CACNA1I: variants seen among roughly 807,000 people sequenced by gnomAD.
CACNA1I encodes voltage-dependent T-type calcium channel subunit alpha-1I.
In CACNA1I, 74 loss-of-function variants were observed where a neutral mutation model predicts 201.6. That is an observed-to-expected ratio of 0.37 (90% CI 0.30 to 0.45). The LOEUF (loss-of-function observed/expected upper bound fraction) is 0.45. Ranked by LOEUF, CACNA1I falls within the 20% of genes least tolerant of loss-of-function variation. The pLI is 1.00. For missense variants in CACNA1I, 2,346 were observed against 3,138.1 expected (o/e 0.75, Z 6.03); for synonymous variants, 1,431 against 1,345.2 (o/e 1.06, Z -1.40).
rs922068388 is a variant in CACNA1I, at chr22:39,649,156, T to C, written c.1568-345T>C. Reference sequence around the variant, plus strand: ...AGTTCCCAAGCTGCACGACTGGGGCTCTGGGTCTGTTCCATGCTGACCCAG... The same window carrying C: ...AGTTCCCAAGCTGCACGACTGGGGCCCTGGGTCTGTTCCATGCTGACCCAG... On this transcript the variant is annotated intron_variant, in intron 9 of 36. Coordinates refer to ENST00000402142, the MANE Select transcript of CACNA1I (RefSeq NM_021096.4). This position sits in a 1 kb window ranked among gnomAD's most constrained non-coding sequence, Gnocchi z 7.3. Among the ~76,000 whole-genome samples the C allele has an allele frequency of 1.3e-5, 2 of 152,200 alleles. No individual in the cohort carries two copies. The highest frequency in any genetic ancestry group is 4.8e-5 in the African/African-American group (2 of 41,430).
Position 39,686,813 on chromosome 22 carries a change from A to T in CACNA1I, c.*408A>T, listed in dbSNP as rs1478795278. 1 of 151,746 alleles carries T rather than the reference A, an allele frequency of 6.6e-6. No individual in the cohort carries two copies. The highest frequency in any genetic ancestry group is 6.6e-5 in the Admixed American group (1 of 15,242). The allele number at this position is 151,746 out of a possible 1,614,324, so 9.4% of individuals were successfully genotyped here. On this transcript the variant is annotated 3_prime_UTR_variant, in exon 37 of 37. Coordinates refer to ENST00000402142, the MANE Select transcript of CACNA1I (RefSeq NM_021096.4). ...ATTCTGGCCAGACCCACCCCAGGGCACATGTCCTGCGGGGGCGTCCCAGCT... is the reference window on the plus strand; with the variant it reads ...ATTCTGGCCAGACCCACCCCAGGGCTCATGTCCTGCGGGGGCGTCCCAGCT...
chr22:39,575,037 G>A (rs551236203), intron 1 of CACNA1I, among the ~76,000 whole-genome samples: 2 of 152,394 alleles, frequency 1.3e-5, no homozygotes, highest in Admixed American at 1.3e-4. Context: ...GAGCCTGCAA[G>A]GTGGGGTGGG....
chr22:39,630,136 C>A (rs5750861), intron 4 of CACNA1I, among the ~76,000 whole-genome samples: 60,043 of 151,794 alleles, frequency 0.4, 12,835 homozygotes, highest in East Asian at 0.9. Flanking sequence ...CAGCGACAGC[C>A]CCTCAGCTGA....
intron 4 of CACNA1I, among the ~76,000 whole-genome samples, chr22:39,631,245 C>T (rs1355904039): frequency 6.6e-6 from 1 of 152,168 alleles, no homozygotes; most frequent in African/African-American, 2.4e-5. Flanking sequence ...GGGACCAGAT[C>T]TCATGTCCTG....
chr22:39,663,983 T>C, intron 19 of CACNA1I, 108 bp from the exon 20 acceptor site: 1 of 1,503,512 alleles, frequency 6.7e-7, no homozygotes, highest in South Asian at 1.1e-5. Context: ...CTCCGTGAAC[T>C]GAGAGGTGGC....
intron 1 of CACNA1I, among the ~76,000 whole-genome samples, chr22:39,594,682 G>T (rs982798677): frequency 2.6e-5 from 4 of 152,172 alleles, no homozygotes; most frequent in African/African-American, 9.6e-5. Flanking sequence ...TCTCTGGGTG[G>T]GGTCCTGCTG....
At position 39,588,128 on chromosome 22, in the gene CACNA1I, A is replaced by ATTTTT. The variant is rs35332612; in HGVS notation, c.237-10005_237-10001dup. ...TTTTTCCTTAAAGCAGTTGCTCTTC[A>ATTTTT]TTTTTTTTTTTTTTTTTTTTTTGAG... On this transcript the variant is annotated intron_variant, in intron 1 of 36. Coordinates refer to ENST00000402142, the MANE Select transcript of CACNA1I (RefSeq NM_021096.4). Among the ~76,000 whole-genome samples the ATTTTT allele has an allele frequency of 2.8e-3, 258 of 90,572 alleles. 3 individuals carry two copies. Among genetic ancestry groups the ATTTTT allele is most frequent in the Non-Finnish European group, 4.3e-3 (207 of 47,834 alleles). The allele number at this position is 90,572 out of a possible 152,430, so 59.4% of individuals were successfully genotyped here. A position where few individuals can be genotyped will look rare whatever the true frequency, so the allele number is the denominator to read the frequency against.
At chr22:39,675,465 T>C (rs997997402) in intron 29 of CACNA1I, among the ~76,000 whole-genome samples, 2 of 152,000 alleles carry the variant, frequency 1.3e-5, no homozygotes, top group Non-Finnish European at 2.9e-5. Flanking sequence ...CACATGGAGA[T>C]GTTCAGGACA....
In CACNA1I at chr22:39,686,339, G is replaced by A. The variant is rs560554316; in HGVS notation, c.6606G>A (p.Ala2202=). 76 of 1,302,992 alleles carry A rather than the reference G, an allele frequency of 5.8e-5. No homozygotes were observed. In the African/African-American group the frequency reaches 1.1e-3, roughly 19 times the overall value. 80.7% of individuals were successfully genotyped at this position (1,302,992 alleles called of 1,614,324 possible). Residue 2202 remains alanine (A), a synonymous_variant, in exon 37 of 37, where the codon GCG becomes GCA. Coordinates refer to ENST00000402142, the MANE Select transcript of CACNA1I (RefSeq NM_021096.4). ...TGCCCATGGGCCTGGGCCCCTTGGC[G>A]CCCCCGCCGCAACCGCTCCCCGGAG... ...APLPMGLGPL[A]PPPQPLPGEL...
At chr22:39,582,123 G>T (rs1473625445) in intron 1 of CACNA1I, among the ~76,000 whole-genome samples, 6 of 152,160 alleles carry the variant, frequency 3.9e-5, no homozygotes, top group Admixed American at 1.3e-4. Context: ...GTGGAGCAGT[G>T]GGGGAGGCTC....
At position 39,682,620 on chromosome 22, in the gene CACNA1I, T is replaced by G. The variant is rs1336879789; in HGVS notation, c.5789T>G (p.Phe1930Cys). 1 of 1,613,400 alleles carries G rather than the reference T, an allele frequency of 6.2e-7. No homozygotes were observed. Among genetic ancestry groups the G allele is most frequent in the Non-Finnish European group, 8.5e-7 (1 of 1,179,850 alleles). ...CTGTGTGAGATGGAGGAGATCCCAT[T>G]CAACCCTGTCCGGTCCTGGCTGAAA... ...NFLCEMEEIP[F>C]NPVRSWLKHD... The change falls in exon 35 of 37, where the codon TTC (phenylalanine) becomes TGC (cysteine). Residue 1930 changes from phenylalanine (F) to cysteine (C), a missense_variant. By Grantham distance (205) the Phe-to-Cys change is radical. Around this residue, in one of 13 missense-constraint regions of CACNA1I, gnomAD observed 441 missense variants for 555.6 expected, o/e 0.79. Coordinates refer to ENST00000402142, the MANE Select transcript of CACNA1I (RefSeq NM_021096.4).
In CACNA1I at chr22:39,680,859, C is replaced by T. The variant is rs1473626414; in HGVS notation, c.5542-71C>T. 5 of 1,520,642 alleles carry T rather than the reference C, an allele frequency of 3.3e-6. No individual in the cohort carries two copies. The Admixed American group carries it at 5.7e-5, about 17-fold the overall frequency. 94.2% of individuals were successfully genotyped at this position (1,520,642 alleles called of 1,614,324 possible). ...TCTCTTCAGAGCCTCAGGCCTGTGG[C>T]TGCACGCCCCAGGACCCAGGTCTGC... On this transcript the variant is annotated intron_variant, in intron 33 of 36. Transcript: ENST00000402142.
intron 3 of CACNA1I, among the ~76,000 whole-genome samples, chr22:39,606,617 C>G (rs893217883): frequency 6.6e-6 from 1 of 152,216 alleles, no homozygotes; most frequent in Non-Finnish European, 1.5e-5. Context: ...ACTACAACCT[C>G]AGCTTCCTAG....
chr22:39,670,365 T>C, intron 25 of CACNA1I, 135 bp downstream of exon 25: 1 of 859,288 alleles, frequency 1.2e-6, no homozygotes, highest in Non-Finnish European at 1.8e-6. Flanking sequence ...CTCAGCCACT[T>C]CTCCCAGCAT....
chr22:39,637,783 G>GT (rs1347634210), intron 5 of CACNA1I, among the ~76,000 whole-genome samples: 2 of 152,164 alleles, frequency 1.3e-5, no homozygotes, highest in Non-Finnish European at 2.9e-5. Context: ...TTTTAGCATT[G>GT]TTTTTTGTGT....
At chr22:39,604,981 T>A (rs1165887561) in intron 3 of CACNA1I, among the ~76,000 whole-genome samples, 1 of 151,836 alleles carries the variant, frequency 6.6e-6, no homozygotes, top group Non-Finnish European at 1.5e-5. Flanking sequence ...TTCCCATCCT[T>A]TGTGCCCAGG....
chr22:39,662,546 G>A, intron 17 of CACNA1I, 111 bp downstream of exon 17: 2 of 850,204 alleles, frequency 2.4e-6, no homozygotes. Context: ...GCGTGGCCGG[G>A]GCGTGGCCGG....
chr22:39,635,534 G>C (rs1934191276), intron 5 of CACNA1I, among the ~76,000 whole-genome samples: 1 of 152,218 alleles, frequency 6.6e-6, no homozygotes, highest in African/African-American at 2.4e-5. Context: ...AGCAGAGCTG[G>C]AGGGTGAAAG....
chr22:39,641,343 C>T (rs931231525), intron 6 of CACNA1I, among the ~76,000 whole-genome samples, 161 bp downstream of exon 6: 1 of 152,194 alleles, frequency 6.6e-6, no homozygotes, highest in African/African-American at 2.4e-5. Flanking sequence ...AGACAGAGAA[C>T]CCAAGGTTCA....
Sources: gnomAD v4.1 joint callset for allele counts (sites outside exome capture counted in the v4.1 genomes callset) on GRCh38, gnomAD v4.1.1 for gene constraint, gnomAD v4.1.1 regional missense constraint, Gnocchi (gnomAD v3.1) non-coding constraint, MANE v1.5 for transcripts, NCBI Gene and HGNC (gene_info 2026-07-23, HGNC 2026-07-21) for gene names.